Variants in ANK2 observed in about 807,000 individuals in gnomAD.
The protein encoded by ANK2 is ankyrin 2.
In ANK2, 83 loss-of-function variants were observed where a neutral mutation model predicts 360.5. The ratio of observed to expected loss-of-function variants is 0.23; its 90% CI spans 0.19 to 0.28. The LOEUF is 0.28. Ranked by LOEUF, ANK2 falls within the 10% of genes least tolerant of loss-of-function variation. The pLI is 1.00. For synonymous variants in ANK2, 1,740 were observed against 1,759.5 expected (o/e 0.99, Z 0.28); for missense variants, 4,201 against 4,795.7 (o/e 0.88, Z 3.66).
chr4:112,950,890 G>A lies in ANK2; in HGVS notation c.21+46376G>A, dbSNP rs541249913. Among the ~76,000 whole-genome samples, 479 of 150,870 alleles carry A rather than the reference G, an allele frequency of 3.2e-3. 2 individuals are homozygous for A. Among genetic ancestry groups the A allele is most frequent in the African/African-American group, 0.011 (439 of 41,166 alleles). ...GAGGTCAGGAGATCGAGACCATCCC[G>A]GCTAAAACGGTGAAACCCCGTCTCT... On this transcript the variant is annotated intron_variant, in intron 2 of 30. Transcript: ENST00000503271.
At chr4:112,837,746 A>G (rs1313346958) in intron 1 of ANK2, among the ~76,000 whole-genome samples, 1 of 152,068 alleles carries the variant, frequency 6.6e-6, no homozygotes, top group Non-Finnish European at 1.5e-5. Context: ...TGGGTTTTGG[A>G]TTTGCATGGG....
At chr4:112,983,689 G>T (rs2043894738) in intron 2 of ANK2, among the ~76,000 whole-genome samples, 1 of 150,576 alleles carries the variant, frequency 6.6e-6, no homozygotes, top group Non-Finnish European at 1.5e-5. Flanking sequence ...AAAAAAAAAA[G>T]TGCTAGACAA....
chr4:112,713,130 A>AT, the ANK2 span, among the ~76,000 whole-genome samples: 125 of 152,290 alleles, frequency 8.2e-4, 1 homozygote, highest in Non-Finnish European at 1.1e-3. Context: ...TTTAAAATTG[A>AT]TTTTTTTCAA....
At chr4:113,277,753 T>C in intron 15 of ANK2, 84 bp from the exon 16 acceptor site, 2 of 1,071,148 alleles carry the variant, frequency 1.9e-6, no homozygotes, top group East Asian at 4.9e-5. Flanking sequence ...CAGTATACTT[T>C]GCTCAATATG....
chr4:113,122,058 A>G (rs545783534), intron 1 of ANK2, among the ~76,000 whole-genome samples: 1 of 152,314 alleles, frequency 6.6e-6, no homozygotes, highest in East Asian at 1.9e-4. Context: ...GTATTCTATA[A>G]CTTTGGAATT....
chr4:112,879,231 G>A (rs2076066258), intron 1 of ANK2, among the ~76,000 whole-genome samples: 1 of 152,170 alleles, frequency 6.6e-6, no homozygotes, highest in South Asian at 2.1e-4. Flanking sequence ...GATCACTTGT[G>A]AACCTACAGG....
At position 113,354,179 on chromosome 4, in the gene ANK2, A is replaced by C; in HGVS notation, c.5561A>C (p.His1854Pro). Reference protein sequence around the residue: ...PVSPSSKTEKHSPVSPSAKTE... With the variant: ...PVSPSSKTEKPSPVSPSAKTE... ...TCACCATCAAGTAAAACTGAGAAAC[A>C]CTCACCTGTGTCACCCTCTGCAAAA... Residue 1854 changes from histidine (H) to proline (P), a missense_variant, in exon 38 of 46, where the codon CAC (histidine) becomes CCC (proline). His to Pro is a moderately conservative substitution (Grantham distance 77). Coordinates refer to ENST00000357077, the MANE Select transcript of ANK2 (RefSeq NM_001148.6). 1 of 1,613,796 alleles carries C rather than the reference A, an allele frequency of 6.2e-7. No homozygotes were observed. The highest frequency in any genetic ancestry group is 8.5e-7 in the Non-Finnish European group (1 of 1,179,882).
intron 40 of ANK2, 124 bp from the exon 41 acceptor site, chr4:113,364,914 CT>C: frequency 7.9e-7 from 1 of 1,270,698 alleles, no homozygotes; most frequent in Non-Finnish European, 1.1e-6. Context: ...TTTACAAAGA[CT>C]TTTAATTAGG....
At chr4:112,721,374 T>C in the ANK2 span, among the ~76,000 whole-genome samples, 1 of 151,888 alleles carries the variant, frequency 6.6e-6, no homozygotes, top group Non-Finnish European at 1.5e-5. Context: ...ACCCTGTCTC[T>C]ACTAAAAATA....
upstream of ANK2, among the ~76,000 whole-genome samples, chr4:113,044,978 A>G (rs2063898497): frequency 6.6e-6 from 1 of 152,164 alleles, no homozygotes; most frequent in Non-Finnish European, 1.5e-5. Flanking sequence ...AGTAATAGTG[A>G]GTGGGAAAGC....
intron 13 of ANK2, among the ~76,000 whole-genome samples, chr4:113,262,657 A>T (rs1466506449): frequency 6.6e-6 from 1 of 152,212 alleles, no homozygotes; most frequent in Non-Finnish European, 1.5e-5. Context: ...AAAAAACTAC[A>T]ATAAAAATAA....
At position 112,947,939 on chromosome 4, in the gene ANK2, A is replaced by G. The variant is rs137938683; in HGVS notation, c.21+43425A>G. Reference sequence around the variant, plus strand: ...AGATTTTGGCAAATAGGAGAACCTTAAGATATTCATTAACCTATGACAAGA... The same window carrying G: ...AGATTTTGGCAAATAGGAGAACCTTGAGATATTCATTAACCTATGACAAGA... On this transcript the variant is annotated intron_variant, in intron 2 of 30. Coordinates refer to the ANK2 transcript ENST00000503271. 1.5e-3 allele frequency among the ~76,000 whole-genome samples: 235 copies of G among 152,310 alleles called. 4 individuals carry two copies. The East Asian group carries it at 0.039, about 25-fold the overall frequency.
intron 30 of ANK2, 115 bp from the exon 31 acceptor site, chr4:113,336,462 T>C (rs1385632412): frequency 2.8e-6 from 3 of 1,064,794 alleles, no homozygotes; most frequent in Non-Finnish European, 4.0e-6. Flanking sequence ...CCACCAAACT[T>C]ATTTGTAAGA....
chr4:113,138,668 A>G (rs1435291681), intron 1 of ANK2, among the ~76,000 whole-genome samples: 1 of 152,152 alleles, frequency 6.6e-6, no homozygotes, highest in Non-Finnish European at 1.5e-5. Flanking sequence ...TGAAATCAAT[A>G]GATTAAAATA....
intron 1 of ANK2, among the ~76,000 whole-genome samples, chr4:112,884,633 C>G (rs1480518658): frequency 6.6e-6 from 1 of 152,172 alleles, no homozygotes; most frequent in Non-Finnish European, 1.5e-5. Flanking sequence ...CTCATTCTAG[C>G]TCTCCAGCAC....
At chr4:113,322,646 A>G (rs536769333) in intron 26 of ANK2, among the ~76,000 whole-genome samples, 12 of 152,330 alleles carry the variant, frequency 7.9e-5, no homozygotes, top group African/African-American at 2.9e-4. Flanking sequence ...TGTCCTACAC[A>G]GTCATACATT....
intron 23 of ANK2, among the ~76,000 whole-genome samples, chr4:113,306,800 C>G (rs2077430753): frequency 6.6e-6 from 1 of 152,098 alleles, no homozygotes; most frequent in African/African-American, 2.4e-5. Context: ...GGTGTGGAAT[C>G]AAAACCTAGT....
At chr4:112,931,787 C>G (rs1385433393) in intron 2 of ANK2, among the ~76,000 whole-genome samples, 1 of 152,054 alleles carries the variant, frequency 6.6e-6, no homozygotes, top group Admixed American at 6.6e-5. Context: ...ATTTATAACC[C>G]CAATCCAGAT....
chr4:113,358,027 G>T lies in ANK2; in HGVS notation c.9409G>T (p.Glu3137Ter). Residue 3137 changes from glutamate to a stop codon, truncating the protein, a stop_gained, in exon 38 of 46, where the codon GAA becomes TAA. Transcript: ENST00000357077. LOFTEE classifies it high-confidence loss of function. ...TTTTCACTTTTTCCAAATTGGTCAA[G>T]AATCCAGGGAAGAGACTCTCTCTGA... ...ESFHFFQIGQ[E>*]SREETLSEDV... 1 of 1,614,036 alleles carries T rather than the reference G, an allele frequency of 6.2e-7. No homozygotes were observed. Among genetic ancestry groups the T allele is most frequent in the Non-Finnish European group, 8.5e-7 (1 of 1,179,964 alleles).
Sources: allele counts gnomAD v4.1 joint callset (sites outside exome capture counted in the v4.1 genomes callset), GRCh38; gene constraint gnomAD v4.1.1; transcripts MANE v1.5; gene names NCBI Gene and HGNC (gene_info 2026-07-23, HGNC 2026-07-21).